The following GARS1 variants were observed in gnomAD, a reference collection of about 807,000 sequenced individuals.
GARS1 encodes glycine--tRNA ligase.
Under a neutral mutation model 86.4 loss-of-function variants are expected in GARS1, and 46 were observed. The observed-to-expected ratio is 0.53, with a 90% confidence interval of 0.42 to 0.68. The LOEUF is 0.68. GARS1 is among the 30% of genes least tolerant of loss of function. The probability of loss-of-function intolerance (pLI) is 0.00; values close to 1 mark genes in which losing one functional copy is unlikely to be tolerated. For missense variants in GARS1, 797 were observed against 915.6 expected (o/e 0.87, Z 1.67); for synonymous variants, 342 against 329.8 (o/e 1.04, Z -0.40).
intron 1 of GARS1, 141 bp downstream of exon 1, chr7:30,595,284 G>C (rs538855762): frequency 1.2e-6 from 1 of 860,014 alleles, no homozygotes; most frequent in African/African-American, 1.7e-5. Flanking sequence ...CGTCTTCTTC[G>C]CCTCCCCCAC....
At chr7:30,613,945 A>G (rs1782832822) in intron 8 of GARS1, among the ~76,000 whole-genome samples, 1 of 151,958 alleles carries the variant, frequency 6.6e-6, no homozygotes, top group South Asian at 2.1e-4. Context: ...TCATATGAAG[A>G]TTTTTCTAAA....
At chr7:30,600,391 A>G (rs557120678) in intron 3 of GARS1, among the ~76,000 whole-genome samples, 129 of 152,330 alleles carry the variant, frequency 8.5e-4, no homozygotes, top group African/African-American at 3.1e-3. Flanking sequence ...TAACTATACT[A>G]TGCCCCTTCA....
At chr7:30,614,543 G>A (rs1782846664) in intron 8 of GARS1, among the ~76,000 whole-genome samples, 1 of 152,086 alleles carries the variant, frequency 6.6e-6, no homozygotes, top group African/African-American at 2.4e-5. Flanking sequence ...GGTGCAGCAG[G>A]ACCAAATAAG....
Position 30,619,129 on chromosome 7 carries a change from T to A in GARS1, c.1359+1851T>A, listed in dbSNP as rs184332672. 2.0e-5 allele frequency among the ~76,000 whole-genome samples: 3 copies of A among 152,342 alleles called. No homozygotes were observed. In the East Asian group the frequency reaches 5.8e-4, roughly 29 times the overall value. ...TAATTTGCTTAAGTCTCACAGCCAG[T>A]GAGTGGTGAGGCTGGGATATAAACC... On this transcript the variant is annotated intron_variant, in intron 10 of 16. Transcript: ENST00000389266.
At chr7:30,599,733 A>G (rs905293127) in intron 2 of GARS1, among the ~76,000 whole-genome samples, 5 of 152,186 alleles carry the variant, frequency 3.3e-5, no homozygotes, top group Non-Finnish European at 4.4e-5. Flanking sequence ...GGAAATGATC[A>G]TATATTTTCC....
intron 2 of GARS1, among the ~76,000 whole-genome samples, 198 bp downstream of exon 2, chr7:30,599,095 T>C (rs533448387): frequency 6.6e-6 from 1 of 152,240 alleles, no homozygotes; most frequent in African/African-American, 2.4e-5. Flanking sequence ...AAATGTCAAC[T>C]TTTTAATAAA....
chr7:30,602,357 G>A (rs1279646820), intron 4 of GARS1, among the ~76,000 whole-genome samples: 4 of 152,208 alleles, frequency 2.6e-5, no homozygotes, highest in African/African-American at 9.6e-5. Context: ...GATTACAGGC[G>A]TGAGCCACTG....
At chr7:30,626,850 AC>A (rs1285463234) in intron 13 of GARS1, among the ~76,000 whole-genome samples, 1 of 152,120 alleles carries the variant, frequency 6.6e-6, no homozygotes, top group Non-Finnish European at 1.5e-5. Context: ...GCATGGAGAC[AC>A]GCACGTGTAA....
chr7:30,631,398 G>T (rs779008293), intron 14 of GARS1, 50 bp from the exon 15 acceptor site: 1 of 1,403,018 alleles, frequency 7.1e-7, no homozygotes, highest in Admixed American at 1.7e-5. Flanking sequence ...TTAGCATTTA[G>T]ATATTTACAA....
intron 8 of GARS1, among the ~76,000 whole-genome samples, chr7:30,613,556 G>A (rs1782822168): frequency 6.6e-6 from 1 of 152,236 alleles, no homozygotes; most frequent in Non-Finnish European, 1.5e-5. Context: ...GAGAAGGACT[G>A]AGAAGTAAGG....
chr7:30,606,000 C>A (rs1029134943), intron 6 of GARS1, among the ~76,000 whole-genome samples: 5 of 152,058 alleles, frequency 3.3e-5, no homozygotes, highest in Non-Finnish European at 5.9e-5. Flanking sequence ...TTTCCCTCCC[C>A]GCATTTTCAT....
At chr7:30,621,119 C>G (rs1044817786) in intron 10 of GARS1, among the ~76,000 whole-genome samples, 21 of 149,808 alleles carry the variant, frequency 1.4e-4, no homozygotes, top group African/African-American at 4.9e-4. Context: ...AACTCCTGGC[C>G]TCAAGTGATC....
chr7:30,599,556 C>G (rs1194351467), intron 2 of GARS1, among the ~76,000 whole-genome samples: 2 of 152,174 alleles, frequency 1.3e-5, no homozygotes, highest in African/African-American at 4.8e-5. Context: ...GTGCCCACCA[C>G]CAAGCCCAGC....
intron 1 of GARS1, 145 bp from the exon 2 acceptor site, chr7:30,598,651 T>C (rs1351637098): frequency 1.4e-6 from 1 of 692,620 alleles, no homozygotes; most frequent in Non-Finnish European, 2.6e-6. Context: ...TTCAAAGTGC[T>C]GGTATTACAG....
Position 30,632,358 on chromosome 7 carries a change from T to C in GARS1, c.2015T>C (p.Ile672Thr), listed in dbSNP as rs1554340824. ...ATTGGCGTGGCTTTTGGTGTCACCA[T>C]TGACTTTGACACAGTGAACAAGACC... ...DEIGVAFGVT[I>T]DFDTVNKTPH... Residue 672 changes from isoleucine (I) to threonine (T), a missense_variant, in exon 16 of 17, where the codon ATT (isoleucine) becomes ACT (threonine). Transcript: ENST00000389266. The surrounding 1 kb of genome is among the most constrained non-coding windows in gnomAD (Gnocchi z 4.1). 3 of 1,614,154 alleles carry C rather than the reference T, an allele frequency of 1.9e-6. No homozygotes were observed. Among genetic ancestry groups the C allele is most frequent in the Non-Finnish European group, 2.5e-6 (3 of 1,180,016 alleles).
At chr7:30,608,155 T>C (rs1399267391) in intron 6 of GARS1, among the ~76,000 whole-genome samples, 2 of 152,228 alleles carry the variant, frequency 1.3e-5, no homozygotes, top group Non-Finnish European at 2.9e-5. Flanking sequence ...ATCTTGTGCT[T>C]ATATCTTTTC....
At chr7:30,613,394 C>T (rs1230588625) in intron 8 of GARS1, among the ~76,000 whole-genome samples, 3 of 152,130 alleles carry the variant, frequency 2.0e-5, no homozygotes, top group African/African-American at 7.2e-5. Context: ...GTTTTATTTC[C>T]CAGTGTCTGA....
chr7:30,626,230 G>A lies in GARS1; in HGVS notation c.1614-4G>A, dbSNP rs376324026. ...AATACAAAATGTGTTTTGTTTCTTCGTAGGGAATTCACAATTGAAACTGAA... is the reference window on the plus strand; with the variant it reads ...AATACAAAATGTGTTTTGTTTCTTCATAGGGAATTCACAATTGAAACTGAA... On this transcript the variant is annotated splice_polypyrimidine_tract_variant and splice_region_variant and intron_variant, in intron 12 of 16. Transcript: ENST00000389266. 264 of 1,590,504 alleles carry A rather than the reference G, an allele frequency of 1.7e-4. No individual in the cohort carries two copies. The African/African-American group carries it at 3.0e-3, about 18-fold the overall frequency.
Position 30,607,143 on chromosome 7 carries a change from A to G in GARS1, c.736-2442A>G, listed in dbSNP as rs1717485730. Among the ~76,000 whole-genome samples the G allele has an allele frequency of 2.0e-5, 3 of 152,334 alleles. No individual in the cohort carries two copies. In the South Asian group the frequency reaches 6.2e-4, roughly 32 times the overall value. On this transcript the variant is annotated intron_variant, in intron 6 of 16. Transcript: ENST00000389266. ...TCTTACAGTCTGATAACTGTATTTA[A>G]AGTCACTTGGAGTCATTCTCTCTGT...
Sources: allele counts gnomAD v4.1 joint callset (sites outside exome capture counted in the v4.1 genomes callset), GRCh38; gene constraint gnomAD v4.1.1; non-coding constraint Gnocchi (gnomAD v3.1); transcripts MANE v1.5; gene names NCBI Gene and HGNC (gene_info 2026-07-23, HGNC 2026-07-21).